Variants in GORASP1 observed in about 807,000 individuals in gnomAD.
The protein encoded by GORASP1 is Golgi reassembly-stacking protein 1.
GORASP1 carries 31 observed loss-of-function variants against 37.7 expected under a neutral mutation model. That is an observed-to-expected ratio of 0.82 (90% CI 0.62 to 1.11). The LOEUF (loss-of-function observed/expected upper bound fraction) is 1.11, where lower values mean the gene tolerates loss of function less well. Among genes scored for constraint, GORASP1 ranks in the 50% least tolerant of loss-of-function variants. The pLI, the probability that GORASP1 is intolerant of heterozygous loss-of-function variation, is 0.00. For synonymous variants in GORASP1, 204 were observed against 224.8 expected (o/e 0.91, Z 0.83); for missense variants, 476 against 560.7 (o/e 0.85, Z 1.53).
rs1257450199 is a variant in GORASP1 at position 39,098,701 on chromosome 3, G to A, written c.1069+40C>T. The A allele has an allele frequency of 4.4e-6, 7 of 1,603,034 alleles. No homozygotes were observed. The highest frequency in any genetic ancestry group is 6.0e-6 in the Non-Finnish European group (7 of 1,173,840). ...GAGGGCAGCCTTCCCAACAACCCGG[G>A]GTCCTTCCCAGAGGACTTCGGAAGG... On this transcript the variant is annotated intron_variant, in intron 8 of 8. Transcript: ENST00000319283. This position sits in a 1 kb window ranked among gnomAD's most constrained non-coding sequence, Gnocchi z 4.7.
chr3:39,100,439 T>G lies in GORASP1; in HGVS notation c.631A>C (p.Lys211Gln), dbSNP rs1022190833. Residue 211 changes from lysine (K) to glutamine (Q), a missense_variant, in exon 6 of 9, where the codon AAG (lysine) becomes CAG (glutamine). Coordinates refer to ENST00000319283, the MANE Select transcript of GORASP1 (RefSeq NM_031899.4). This position sits in a 1 kb window ranked among gnomAD's most constrained non-coding sequence, Gnocchi z 4.6. ...GGTGGTGGGGTGCCAGGTGGCTTCT[T>G]GTGGTAGCTGGGGGGCTGAGTTGGG... ...RIPTQPPSYH[K>Q]KPPGTPPPSA... 14 of 1,610,822 alleles carry G rather than the reference T, an allele frequency of 8.7e-6. No individual in the cohort carries two copies. The highest frequency in any genetic ancestry group is 1.1e-5 in the Non-Finnish European group (13 of 1,178,316).
At chr3:39,104,856 AG>A (rs1216914991) in intron 1 of GORASP1, among the ~76,000 whole-genome samples, 3 of 152,200 alleles carry the variant, frequency 2.0e-5, no homozygotes, top group African/African-American at 7.2e-5. Context: ...GCCCCGCTGC[AG>A]GGGAGCTCTG....
chr3:39,100,185 G>T lies in GORASP1; in HGVS notation c.765+120C>A. 1 of 905,688 alleles carries T rather than the reference G, an allele frequency of 1.1e-6. No individual in the cohort carries two copies. The highest frequency in any genetic ancestry group is 1.8e-6 in the Non-Finnish European group (1 of 560,656). 56.1% of individuals were successfully genotyped at this position (905,688 alleles called of 1,614,324 possible). On this transcript the variant is annotated intron_variant, in intron 6 of 8. Transcript: ENST00000319283. This position sits in a 1 kb window ranked among gnomAD's most constrained non-coding sequence, Gnocchi z 4.6. ...GGCATGGCCTGCCTGCTCCCACTGGGTCCCAGAAGTACATGGGCCTCTCAG... is the reference window on the plus strand; with the variant it reads ...GGCATGGCCTGCCTGCTCCCACTGGTTCCCAGAAGTACATGGGCCTCTCAG...
intron 6 of GORASP1, among the ~76,000 whole-genome samples, 181 bp from the exon 7 acceptor site, chr3:39,099,684 G>GGGCCT (rs1285800211): frequency 2.0e-5 from 3 of 152,166 alleles, no homozygotes; most frequent in Non-Finnish European, 4.4e-5. Flanking sequence ...CAGGCCTGAG[G>GGGCCT]GGCCTGGCCT....
At chr3:39,101,219 A>G (rs2035688730) in intron 3 of GORASP1, 117 bp from the exon 4 acceptor site, 1 of 862,002 alleles carries the variant, frequency 1.2e-6, no homozygotes, top group Non-Finnish European at 1.9e-6. Context: ...CTCTATCCCT[A>G]AGCAGGGCTT....
At position 39,103,555 on chromosome 3, in the gene GORASP1, T is replaced by C; in HGVS notation, c.64-2A>G. On this transcript the variant is annotated splice_acceptor_variant, in intron 1 of 8. Transcript: ENST00000319283. LOFTEE classifies it high-confidence loss of function. This position sits in a 1 kb window ranked among gnomAD's most constrained non-coding sequence, Gnocchi z 5.2. ...CTGGGCTGGGGAGTTCTCCTGCACC[T>C]ATCCCACAGCAAAGACCACAGTCAC... 1.2e-6 allele frequency: 2 copies of C among 1,610,084 alleles called. 1 individual carries two copies. The highest frequency in any genetic ancestry group is 2.2e-5 in the South Asian group (2 of 90,694).
chr3:39,100,781 C>T lies in GORASP1; in HGVS notation c.532G>A (p.Val178Ile), dbSNP rs749136030. The change falls in exon 5 of 9, where the codon GTA becomes ATA. Residue 178 changes from valine (V) to isoleucine (I), a missense_variant. By Grantham distance (29) the Val-to-Ile change is conservative (BLOSUM62 3). Transcript: ENST00000319283. The surrounding 1 kb of genome is among the most constrained non-coding windows in gnomAD (Gnocchi z 4.6). ...CCACCCCAGGCTGCGTTGGGAGTTACAGTCACCTCCCGGCAGGAGTCTGAC... is the reference window on the plus strand; with the variant it reads ...CCACCCCAGGCTGCGTTGGGAGTTATAGTCACCTCCCGGCAGGAGTCTGAC... ...SKSDSCREVT[V>I]TPNAAWGGEG... 42 of 1,613,978 alleles carry T rather than the reference C, an allele frequency of 2.6e-5. No homozygotes were observed. The highest frequency in any genetic ancestry group is 5.5e-5 in the South Asian group (5 of 91,084).
At position 39,100,990 on chromosome 3, in the gene GORASP1, G is replaced by A; in HGVS notation, c.435+26C>T. 3.1e-6 allele frequency: 5 copies of A among 1,613,942 alleles called. No individual in the cohort carries two copies. Among genetic ancestry groups the A allele is most frequent in the Non-Finnish European group, 4.2e-6 (5 of 1,179,768 alleles). On this transcript the variant is annotated intron_variant, in intron 4 of 8. Coordinates refer to ENST00000319283, the MANE Select transcript of GORASP1 (RefSeq NM_031899.4). The surrounding 1 kb of genome is among the most constrained non-coding windows in gnomAD (Gnocchi z 4.6). ...TTCACACCACATCCAGAGGGTCTGG[G>A]GAGGGGCAAATTGCGGGTTCCTCAC...
rs754490213 is a variant in GORASP1, at chr3:39,098,397, G to C, written c.1162C>G (p.Leu388Val). The C allele has an allele frequency of 6.2e-7, 1 of 1,614,206 alleles. No individual in the cohort carries two copies. The highest frequency in any genetic ancestry group is 8.5e-7 in the Non-Finnish European group (1 of 1,180,046). Residue 388 changes from leucine to valine, a missense_variant, in exon 9 of 9, where the codon CTT (leucine) becomes GTT (valine). By Grantham distance (32) the Leu-to-Val change is conservative. Transcript: ENST00000319283. The surrounding 1 kb of genome is among the most constrained non-coding windows in gnomAD (Gnocchi z 4.7). ...AQADHLPQLTLPDSLTSAASP... is the reference protein window; with the variant it reads ...AQADHLPQLTVPDSLTSAASP... ...GCTGCAGAGGTGAGACTGTCAGGAA[G>C]AGTCAGCTGAGGCAGGTGGTCCGCC...
rs1222535204 is a variant in GORASP1, at chr3:39,103,551, C to T, written c.66G>A (p.Val22=). ...GGAEGFHLHG[V]QENSPAQQAG... ...CCTGCTGGGCTGGGGAGTTCTCCTG[C>T]ACCTATCCCACAGCAAAGACCACAG... is the stretch of plus-strand genomic sequence containing the variant. Residue 22 remains valine (V), a splice_region_variant and synonymous_variant, in exon 2 of 9, where the codon GTG becomes GTA. Coordinates refer to ENST00000319283, the MANE Select transcript of GORASP1 (RefSeq NM_031899.4). The surrounding 1 kb of genome is among the most constrained non-coding windows in gnomAD (Gnocchi z 5.2). 3 of 1,610,764 alleles carry T rather than the reference C, an allele frequency of 1.9e-6. No individual in the cohort carries two copies. Among genetic ancestry groups the T allele is most frequent in the South Asian group, 2.2e-5 (2 of 90,794 alleles).
Position 39,107,613 on chromosome 3 carries a change from C to A in GORASP1, c.-72G>T. 2.9e-6 allele frequency: 4 copies of A among 1,388,778 alleles called. No individual in the cohort carries two copies. Among genetic ancestry groups the A allele is most frequent in the Non-Finnish European group, 3.9e-6 (4 of 1,034,504 alleles). 86.0% of individuals were successfully genotyped at this position (1,388,778 alleles called of 1,614,324 possible). A position where few individuals can be genotyped will look rare whatever the true frequency, so the allele number is the denominator to read the frequency against. On this transcript the variant is annotated 5_prime_UTR_variant, in exon 1 of 9. Transcript: ENST00000319283. ...CCGGACCGACCCGACGCCAGTAGCA[C>A]CGACTCGCTCTCTCGGCGCTCGATT...
chr3:39,107,271 C>T (rs907524158), intron 1 of GORASP1: 4 of 503,590 alleles, frequency 7.9e-6, no homozygotes, highest in African/African-American at 6.1e-5. Context: ...TGGGCCCGAC[C>T]GCGGCCGCGG....
chr3:39,100,824 CA>C lies in GORASP1; in HGVS notation c.488del (p.Leu163ArgfsTer14), dbSNP rs1559644074. 5.0e-6 allele frequency: 8 copies of C among 1,614,168 alleles called. No homozygotes were observed. The Middle Eastern group carries it at 1.2e-3, about 233-fold the overall frequency. On this transcript the variant is annotated frameshift_variant, in exon 5 of 9. Coordinates refer to ENST00000319283, the MANE Select transcript of GORASP1 (RefSeq NM_031899.4). LOFTEE classifies it high-confidence loss of function. The surrounding 1 kb of genome is among the most constrained non-coding windows in gnomAD (Gnocchi z 4.6). ...IESHEGKPLK[L>X]MVYNSKSDSC... is the part of the protein sequence containing the mutation. ...AGTCTGACTTGGAGTTATACACCAT[CA>C]GCTTCAAGGGCTTCCCCTCATGAGA...
intron 1 of GORASP1, among the ~76,000 whole-genome samples, chr3:39,104,721 G>T (rs1449399583): frequency 6.6e-6 from 1 of 152,218 alleles, no homozygotes; most frequent in African/African-American, 2.4e-5. Context: ...CCTTCTGGCA[G>T]CATCACCAAC....
At position 39,098,633 on chromosome 3, in the gene GORASP1, G is replaced by C. The variant is rs1404526833; in HGVS notation, c.1069+108C>G. The C allele has an allele frequency of 6.6e-7, 1 of 1,506,524 alleles. No individual in the cohort carries two copies. Among genetic ancestry groups the C allele is most frequent in the African/African-American group, 1.4e-5 (1 of 72,652 alleles). 93.3% of individuals were successfully genotyped at this position (1,506,524 alleles called of 1,614,324 possible). On this transcript the variant is annotated intron_variant, in intron 8 of 8. Transcript: ENST00000319283. The surrounding 1 kb of genome is among the most constrained non-coding windows in gnomAD (Gnocchi z 4.7). ...TGGAGTGTACAAATGCCTTGGTGTG[G>C]CTGTATCAACCCGATGGCCCACTTC...
intron 7 of GORASP1, 188 bp from the exon 8 acceptor site, chr3:39,099,081 G>T: frequency 1.2e-6 from 1 of 834,954 alleles, no homozygotes; most frequent in Non-Finnish European, 2.0e-6. Context: ...AAAGAAAGGG[G>T]CCTGGAGTTG....
intron 7 of GORASP1, 109 bp from the exon 8 acceptor site, chr3:39,099,002 A>G: frequency 7.2e-7 from 1 of 1,382,250 alleles, no homozygotes; most frequent in South Asian, 1.2e-5. Flanking sequence ...TGAGACTGTA[A>G]TCTCCTCAGC....
Position 39,098,152 on chromosome 3 carries a change from C to A in GORASP1, c.*84G>T. Reference sequence around the variant, plus strand: ...TGTCCCACCAAAGCAGCAAGGAATCCTGACCGCATAGTGCAGCCCGGGCTG... The same window carrying A: ...TGTCCCACCAAAGCAGCAAGGAATCATGACCGCATAGTGCAGCCCGGGCTG... On this transcript the variant is annotated 3_prime_UTR_variant, in exon 9 of 9. Transcript: ENST00000319283. The surrounding 1 kb of genome is among the most constrained non-coding windows in gnomAD (Gnocchi z 4.7). The A allele has an allele frequency of 6.7e-7, 1 of 1,500,496 alleles. No homozygotes were observed. Among genetic ancestry groups the A allele is most frequent in the Non-Finnish European group, 9.0e-7 (1 of 1,111,488 alleles). The allele number at this position is 1,500,496 out of a possible 1,614,324, so 92.9% of individuals were successfully genotyped here.
chr3:39,098,508 G>A lies in GORASP1; in HGVS notation c.1070-19C>T. On this transcript the variant is annotated intron_variant, in intron 8 of 8. Transcript: ENST00000319283. This position sits in a 1 kb window ranked among gnomAD's most constrained non-coding sequence, Gnocchi z 4.7. ...GCCTCACCTGCAACACAGAAGATCA[G>A]GCTGAGGAGGTCTGCAAGAACCTAG... 1 of 1,602,208 alleles carries A rather than the reference G, an allele frequency of 6.2e-7. No homozygotes were observed. The highest frequency in any genetic ancestry group is 8.5e-7 in the Non-Finnish European group (1 of 1,173,250).
Sources: gnomAD v4.1 joint callset for allele counts (sites outside exome capture counted in the v4.1 genomes callset) on GRCh38, gnomAD v4.1.1 for gene constraint, Gnocchi (gnomAD v3.1) non-coding constraint, MANE v1.5 for transcripts, NCBI Gene and HGNC (gene_info 2026-07-23, HGNC 2026-07-21) for gene names.